LRFN2: variants seen among roughly 807,000 people sequenced by gnomAD.
The protein encoded by LRFN2 is leucine rich repeat and fibronectin type III domain containing 2.
A neutral mutation model predicts 37.3 loss-of-function variants in LRFN2; 18 were observed. That is an observed-to-expected ratio of 0.48 (90% CI 0.33 to 0.72). LRFN2 has a LOEUF of 0.72. Among genes scored for constraint, LRFN2 ranks in the 30% least tolerant of loss-of-function variants. The pLI, the probability that LRFN2 is intolerant of heterozygous loss-of-function variation, is 0.02. For missense variants in LRFN2, 1,006 were observed against 1,060.7 expected (o/e 0.95, Z 0.72); for synonymous variants, 556 against 466.6 (o/e 1.19, Z -2.47).
At chr6:40,586,327 T>C (rs186727550) in intron 1 of LRFN2, among the ~76,000 whole-genome samples, 2 of 152,114 alleles carry the variant, frequency 1.3e-5, no homozygotes, top group Non-Finnish European at 2.9e-5. Flanking sequence ...CATCATGCCA[T>C]TCTGATGCCC....
intron 1 of LRFN2, among the ~76,000 whole-genome samples, chr6:40,434,482 C>CTTTTTTTTTTT (rs112476329): frequency 1.4e-5 from 2 of 141,696 alleles, no homozygotes; most frequent in Non-Finnish European, 3.1e-5. Flanking sequence ...CTTTTTTTTT[C>CTTTTTTTTTTT]TTTTTTTTTT....
intron 1 of LRFN2, among the ~76,000 whole-genome samples, chr6:40,448,707 G>T (rs1226445611): frequency 6.6e-6 from 1 of 152,218 alleles, no homozygotes; most frequent in Non-Finnish European, 1.5e-5. Flanking sequence ...GAGATTACAA[G>T]GCTGGGAGAT....
rs13205455 is a variant in LRFN2 at position 40,419,236 on chromosome 6, G to T, written c.1400+12478C>A. Among the ~76,000 whole-genome samples, 53 of 152,178 alleles carry T rather than the reference G, an allele frequency of 3.5e-4. 1 individual carries two copies. The highest frequency in any genetic ancestry group is 2.7e-3 in the Admixed American group (42 of 15,294). On this transcript the variant is annotated intron_variant, in intron 2 of 2. Coordinates refer to ENST00000338305, the MANE Select transcript of LRFN2 (RefSeq NM_020737.3). ...AGCCTTTCATGGATTGATGCTGAGC[G>T]CAGTTCATTCCCTGCACCTTGCCTT...
chr6:40,519,976 C>T (rs1361472761), intron 1 of LRFN2, among the ~76,000 whole-genome samples: 2 of 152,118 alleles, frequency 1.3e-5, no homozygotes, highest in African/African-American at 4.8e-5. Context: ...GCAGAGGGAA[C>T]AGCATATACA....
intron 1 of LRFN2, among the ~76,000 whole-genome samples, chr6:40,579,482 C>T (rs115227571): frequency 0.027 from 4,037 of 150,974 alleles, 90 homozygotes; most frequent in Admixed American, 0.039. Flanking sequence ...GTTTCTTAAG[C>T]GGACTTCATT....
intron 1 of LRFN2, among the ~76,000 whole-genome samples, chr6:40,526,528 G>A (rs1336197275): frequency 3.9e-5 from 6 of 152,082 alleles, no homozygotes; most frequent in Non-Finnish European, 5.9e-5. Flanking sequence ...CCTGCATGAC[G>A]TTCTCTCCCC....
At chr6:40,431,371 AG>A (rs1561851242) in intron 2 of LRFN2, among the ~76,000 whole-genome samples, 1 of 152,196 alleles carries the variant, frequency 6.6e-6, no homozygotes, top group Non-Finnish European at 1.5e-5. Flanking sequence ...TTCAGCCAAG[AG>A]GTCTATTCAT....
Position 40,410,454 on chromosome 6 carries a change from C to T in LRFN2, c.1401-17542G>A, listed in dbSNP as rs188553573. On this transcript the variant is annotated intron_variant, in intron 2 of 2. Transcript: ENST00000338305. Reference sequence around the variant, plus strand: ...ATCAAAGTGACCTGGGCTCAAATCCCATCTCCACAATTTATTGACTATATC... The same window carrying T: ...ATCAAAGTGACCTGGGCTCAAATCCTATCTCCACAATTTATTGACTATATC... Among the ~76,000 whole-genome samples the T allele has an allele frequency of 4.5e-4, 69 of 152,230 alleles. No individual in the cohort carries two copies. In the Middle Eastern group the frequency reaches 0.017, roughly 38 times the overall value.
chr6:40,434,347 T>C (rs1011639277), intron 1 of LRFN2, among the ~76,000 whole-genome samples: 3 of 152,242 alleles, frequency 2.0e-5, no homozygotes, highest in Admixed American at 6.5e-5. Context: ...TGTGGCCTTA[T>C]TGATACAGTG....
At chr6:40,413,036 C>T (rs561720631) in intron 2 of LRFN2, among the ~76,000 whole-genome samples, 9 of 152,130 alleles carry the variant, frequency 5.9e-5, no homozygotes, top group South Asian at 4.2e-4. Context: ...CAGAGAGCAC[C>T]GTTTGGGGTC....
chr6:40,425,320 G>C (rs1460986430), intron 2 of LRFN2, among the ~76,000 whole-genome samples: 7 of 152,216 alleles, frequency 4.6e-5, no homozygotes, highest in African/African-American at 1.7e-4. Context: ...CCGGCTGACT[G>C]CCTTAGGAGC....
At chr6:40,464,206 C>T (rs886439464) in intron 1 of LRFN2, among the ~76,000 whole-genome samples, 4 of 152,242 alleles carry the variant, frequency 2.6e-5, no homozygotes, top group African/African-American at 9.6e-5. Flanking sequence ...GTGTGTTTTT[C>T]ATTATTTTCT....
chr6:40,523,443 A>C (rs970465460), intron 1 of LRFN2, among the ~76,000 whole-genome samples: 8 of 151,878 alleles, frequency 5.3e-5, no homozygotes, highest in African/African-American at 1.5e-4. Context: ...TTAATCATAA[A>C]GCCAACTCTC....
chr6:40,392,072 C>T lies in LRFN2; in HGVS notation c.2241G>A (p.Lys747=), dbSNP rs757675469. ...TGCGCTTCGTCCAGATGTTCGAGAC[C>T]TTCCGAGGAGGACTGTAGCCGCCCG... ...VVPGGYSPPR[K]VSNIWTKRSL... The change falls in exon 3 of 3, where the codon AAG becomes AAA. Residue 747 remains lysine, a synonymous_variant. Coordinates refer to ENST00000338305, the MANE Select transcript of LRFN2 (RefSeq NM_020737.3). The surrounding 1 kb of genome is among the most constrained non-coding windows in gnomAD (Gnocchi z 4.7). 6.2e-7 allele frequency: 1 copy of T among 1,614,100 alleles called. No individual in the cohort carries two copies. Among genetic ancestry groups the T allele is most frequent in the South Asian group, 1.1e-5 (1 of 91,054 alleles).
At chr6:40,484,693 C>T (rs1455038834) in intron 1 of LRFN2, among the ~76,000 whole-genome samples, 1 of 152,196 alleles carries the variant, frequency 6.6e-6, no homozygotes, top group Non-Finnish European at 1.5e-5. Context: ...CAGCTGCTGC[C>T]CACCCATCAT....
At chr6:40,420,666 A>G (rs1763207388) in intron 2 of LRFN2, among the ~76,000 whole-genome samples, 2 of 152,256 alleles carry the variant, frequency 1.3e-5, no homozygotes, top group Admixed American at 1.3e-4. Flanking sequence ...ATGGGGAGCA[A>G]CATGCGTGAA....
intron 1 of LRFN2, among the ~76,000 whole-genome samples, chr6:40,577,096 T>TCTCTTCTCTTC (rs1561913878): frequency 7.3e-6 from 1 of 137,596 alleles, no homozygotes; most frequent in Non-Finnish European, 1.6e-5. Flanking sequence ...TTCTTTTCTT[T>TCTCTTCTCTTC]TCTTTTCCTT....
intron 1 of LRFN2, among the ~76,000 whole-genome samples, chr6:40,495,812 A>G (rs79667952): frequency 0.028 from 4,330 of 152,196 alleles, 107 homozygotes; most frequent in East Asian, 0.098. Flanking sequence ...TACTGAGATG[A>G]TCATATCTGG....
chr6:40,458,095 T>C (rs1764271779), intron 1 of LRFN2, among the ~76,000 whole-genome samples: 1 of 152,212 alleles, frequency 6.6e-6, no homozygotes, highest in South Asian at 2.1e-4. Context: ...GGAGGCCGCT[T>C]GTTACTAAAG....
Sources: gnomAD v4.1 joint callset for allele counts (sites outside exome capture counted in the v4.1 genomes callset) on GRCh38, gnomAD v4.1.1 for gene constraint, Gnocchi (gnomAD v3.1) non-coding constraint, MANE v1.5 for transcripts, NCBI Gene and HGNC (gene_info 2026-07-23, HGNC 2026-07-21) for gene names.